The following CSMD1 variants were observed in gnomAD, a reference collection of about 807,000 sequenced individuals.
The protein encoded by CSMD1 is CUB and sushi domain-containing protein 1.
Under a neutral mutation model 417.5 loss-of-function variants are expected in CSMD1, and 213 were observed. The observed-to-expected ratio is 0.51, with a 90% CI of 0.46 to 0.57. CSMD1 has a LOEUF of 0.57. CSMD1 is among the 20% of genes least tolerant of loss of function. The probability of loss-of-function intolerance (pLI) is 0.00; values close to 1 mark genes in which losing one functional copy is unlikely to be tolerated. For missense variants in CSMD1, 6,923 were observed against 4,529.7 expected (o/e 1.53, Z -15.17); for synonymous variants, 2,862 against 1,736.8 (o/e 1.65, Z -16.11).
intron 3 of CSMD1, among the ~76,000 whole-genome samples, chr8:4,319,922 A>G (rs10088858): frequency 0.84 from 128,135 of 152,142 alleles, 54,854 homozygotes; most frequent in East Asian, 1. Flanking sequence ...AGCAGTAGGG[A>G]GTCATCTTCA....
intron 10 of CSMD1, among the ~76,000 whole-genome samples, chr8:3,540,824 A>G (rs1450425055): frequency 6.6e-6 from 1 of 152,256 alleles, no homozygotes; most frequent in Non-Finnish European, 1.5e-5. Flanking sequence ...AATCAAAACC[A>G]CAATGAGATC....
intron 4 of CSMD1, among the ~76,000 whole-genome samples, chr8:3,998,809 C>T (rs1815429546): frequency 6.6e-6 from 1 of 151,292 alleles, no homozygotes; most frequent in South Asian, 2.1e-4. Context: ...AGTAAAAAAG[C>T]TTCTTTGTTA....
chr8:4,701,763 C>T (rs1239536672), intron 1 of CSMD1, among the ~76,000 whole-genome samples: 1 of 110,576 alleles, frequency 9.0e-6, no homozygotes, highest in Non-Finnish European at 1.7e-5. Context: ...TTTCTTCAAA[C>T]AAGTTTTAGA....
chr8:4,965,286 A>AC, intron 1 of CSMD1, among the ~76,000 whole-genome samples: 1 of 152,144 alleles, frequency 6.6e-6, no homozygotes, highest in Non-Finnish European at 1.5e-5. Context: ...CTGAGTACTT[A>AC]TTGTGTATCA....
At chr8:4,923,416 T>C (rs1806633048) in intron 1 of CSMD1, among the ~76,000 whole-genome samples, 1 of 152,198 alleles carries the variant, frequency 6.6e-6, no homozygotes, top group Non-Finnish European at 1.5e-5. Context: ...GGATAAATGT[T>C]GGAGGGGATG....
At chr8:4,507,071 T>C (rs533858042) in intron 2 of CSMD1, among the ~76,000 whole-genome samples, 3 of 152,290 alleles carry the variant, frequency 2.0e-5, no homozygotes, top group Admixed American at 6.5e-5. Flanking sequence ...TATTTAGTAA[T>C]GCTTATTGAT....
intron 5 of CSMD1, among the ~76,000 whole-genome samples, chr8:3,861,581 G>C (rs75214422): frequency 0.014 from 2,156 of 152,276 alleles, 30 homozygotes; most frequent in Middle Eastern, 0.027. Context: ...GGCTCCTATG[G>C]TATGTGGGTT....
intron 5 of CSMD1, among the ~76,000 whole-genome samples, chr8:3,789,186 C>G (rs1371060805): frequency 1.3e-5 from 2 of 152,090 alleles, no homozygotes; most frequent in Non-Finnish European, 2.9e-5. Flanking sequence ...ATGTGAGGAT[C>G]CAACATGAAA....
rs572678997 is a variant in CSMD1 at position 4,227,714 on chromosome 8, C to A, written c.415+192239G>T. The stretch of plus-strand genomic sequence containing the variant: ...TAAACCCCACACCTGGAGACACACC[C>A]TCCACCCCACATTAACTCCCACACC... On this transcript the variant is annotated intron_variant, in intron 3 of 69. Coordinates refer to ENST00000635120, the MANE Select transcript of CSMD1 (RefSeq NM_033225.6). Among the ~76,000 whole-genome samples, 15 of 152,044 alleles carry A rather than the reference C, an allele frequency of 9.9e-5. No individual in the cohort carries two copies. In the East Asian group the frequency reaches 2.9e-3, roughly 30 times the overall value.
At chr8:3,208,557 G>A (rs1403638745) in intron 30 of CSMD1, among the ~76,000 whole-genome samples, 2 of 152,078 alleles carry the variant, frequency 1.3e-5, no homozygotes, top group South Asian at 2.1e-4. Flanking sequence ...GAGCCACCAC[G>A]CCCGGCCATA....
At chr8:3,415,959 G>C (rs912394805) in intron 12 of CSMD1, among the ~76,000 whole-genome samples, 1 of 152,026 alleles carries the variant, frequency 6.6e-6, no homozygotes, top group African/African-American at 2.4e-5. Context: ...CTTACAATGA[G>C]TAGCCACTAG....
chr8:4,067,716 T>G (rs1471430534), intron 3 of CSMD1, among the ~76,000 whole-genome samples: 1 of 152,230 alleles, frequency 6.6e-6, no homozygotes, highest in Non-Finnish European at 1.5e-5. Context: ...TGTTAGATAG[T>G]GTAATTTGAT....
In CSMD1 at chr8:3,387,582, G is replaced by A. The variant is rs1295566829; in HGVS notation, c.2694C>T (p.Ser898=). 1.9e-6 allele frequency: 3 copies of A among 1,600,980 alleles called. No homozygotes were observed. The highest frequency in any genetic ancestry group is 2.3e-5 in the East Asian group (1 of 44,224). The change falls in exon 18 of 70, where the codon AGC becomes AGT. Residue 898 remains serine (S), a synonymous_variant. Coordinates refer to ENST00000635120, the MANE Select transcript of CSMD1 (RefSeq NM_033225.6). ...CACTTAGTGTGTACCCCGGGTCACA[G>A]CTGAAAGTCACTGTGGACCTGATGC... The part of the protein sequence containing the change: ...DFGIRSTVTF[S]CDPGYTLSDD...
intron 3 of CSMD1, among the ~76,000 whole-genome samples, chr8:4,182,031 TGTGTGTGTGTGTCG>T (rs1798407891): frequency 4.2e-5 from 5 of 118,100 alleles, no homozygotes. Context: ...CACCCGTGTG[TGTGTGTGTGTGTCG>T]GTGTGTGTGT....
At chr8:3,683,576 T>G (rs958437284) in intron 7 of CSMD1, among the ~76,000 whole-genome samples, 1 of 152,184 alleles carries the variant, frequency 6.6e-6, no homozygotes, top group Admixed American at 6.5e-5. Flanking sequence ...TGAAATATGT[T>G]TAAAGCACTT....
chr8:3,658,414 G>C (rs892077814), intron 7 of CSMD1, among the ~76,000 whole-genome samples: 3 of 148,784 alleles, frequency 2.0e-5, no homozygotes, highest in Non-Finnish European at 3.0e-5. Context: ...GTAAATGTTA[G>C]TAATGTTTTG....
chr8:3,125,293 G>T (rs1291598442), intron 41 of CSMD1, among the ~76,000 whole-genome samples: 2 of 152,230 alleles, frequency 1.3e-5, no homozygotes, highest in African/African-American at 4.8e-5. Flanking sequence ...TGAAGGACTT[G>T]CAATGCATCA....
At chr8:3,761,848 G>A (rs921881515) in intron 5 of CSMD1, among the ~76,000 whole-genome samples, 60 of 151,900 alleles carry the variant, frequency 3.9e-4, no homozygotes, top group African/African-American at 1.4e-3. Context: ...ACCCGGAGCG[G>A]CACTCATGAT....
At chr8:4,669,449 A>G (rs1164529783) in intron 1 of CSMD1, among the ~76,000 whole-genome samples, 1 of 152,174 alleles carries the variant, frequency 6.6e-6, no homozygotes, top group Non-Finnish European at 1.5e-5. Context: ...TTCCTGAGGA[A>G]CAACTACTTG....
Sources: allele counts gnomAD v4.1 joint callset (sites outside exome capture counted in the v4.1 genomes callset), GRCh38; gene constraint gnomAD v4.1.1; transcripts MANE v1.5; gene names NCBI Gene and HGNC (gene_info 2026-07-23, HGNC 2026-07-21).